FGF13: variants seen among roughly 807,000 people sequenced by gnomAD.
The protein encoded by FGF13 is fibroblast growth factor 13, also known as fibroblast growth factor homologous factor 2.
A neutral mutation model predicts 19.5 loss-of-function variants in FGF13; 2 were observed. The observed-to-expected ratio is 0.10, with a 90% CI of 0.04 to 0.32. The LOEUF (loss-of-function observed/expected upper bound fraction) is 0.32, where lower values mean the gene tolerates loss of function less well. Ranked by LOEUF, FGF13 falls within the 10% of genes least tolerant of loss-of-function variation. FGF13 has a pLI of 1.00. For missense variants in FGF13, 113 were observed against 192.7 expected, an observed-to-expected ratio of 0.59 and a Z score of 2.45; for synonymous variants, 72 against 76.9, an observed-to-expected ratio of 0.94 and a Z score of 0.33.
chrX:138,715,812 T>C (rs1381429564), upstream of FGF13: 2 of 112,555 alleles, frequency 1.8e-5, no homozygotes, highest in African/African-American at 3.2e-5. Flanking sequence ...AACTAGGTTT[T>C]AGCATTCTTT....
intron 1 of FGF13, among the ~76,000 whole-genome samples, chrX:139,175,281 T>C (rs1188698477): frequency 1.8e-5 from 2 of 112,330 alleles, no homozygotes; most frequent in African/African-American, 6.5e-5. Context: ...GCTTATCAGC[T>C]TAAGGAGATT....
intron 1 of FGF13, among the ~76,000 whole-genome samples, chrX:139,004,147 G>A (rs765024144): frequency 1.4e-4 from 16 of 112,989 alleles, no homozygotes; most frequent in Non-Finnish European, 3.0e-4. Flanking sequence ...GGCATGGCGG[G>A]CTGCAGGTCC....
intron 1 of FGF13, among the ~76,000 whole-genome samples, chrX:138,966,177 C>A (rs5931523): frequency 1.8e-5 from 2 of 111,679 alleles, no homozygotes; most frequent in Non-Finnish European, 3.8e-5. Context: ...AGCCTCCCCC[C>A]ACCCCCACAG....
intron 1 of FGF13, among the ~76,000 whole-genome samples, chrX:138,963,882 C>T (rs2091884744): frequency 8.9e-6 from 1 of 111,931 alleles, no homozygotes; most frequent in Admixed American, 9.6e-5. Flanking sequence ...AATCAGCTAG[C>T]TATGCCTCAG....
intron 3 of FGF13, among the ~76,000 whole-genome samples, chrX:138,833,178 T>G (rs753365486): frequency 8.9e-6 from 1 of 112,144 alleles, no homozygotes; most frequent in East Asian, 2.8e-4. Flanking sequence ...AATTTTAAAA[T>G]AGTTTCTAGT....
At chrX:138,935,558 C>T (rs2091727060) in intron 1 of FGF13, among the ~76,000 whole-genome samples, 2 of 112,115 alleles carry the variant, frequency 1.8e-5, no homozygotes. Context: ...TTTGAATGCT[C>T]ACATTTTGTA....
chrX:138,797,610 T>G (rs1051619532), intron 3 of FGF13, among the ~76,000 whole-genome samples: 1 of 111,338 alleles, frequency 9.0e-6, no homozygotes, highest in Admixed American at 9.5e-5. Context: ...AAGTCAATGG[T>G]AGCTTAATGG....
intron 3 of FGF13, among the ~76,000 whole-genome samples, chrX:138,774,005 C>G (rs981714871): frequency 9.0e-6 from 1 of 111,389 alleles, no homozygotes; most frequent in Non-Finnish European, 1.9e-5. Context: ...GCCATTCATT[C>G]CAATGACAAC....
At chrX:138,833,310 CTTTG>C (rs1206853999) in intron 3 of FGF13, among the ~76,000 whole-genome samples, 11 of 111,934 alleles carry the variant, frequency 9.8e-5, no homozygotes, top group East Asian at 5.6e-4. Flanking sequence ...ATGTTTCTCC[CTTTG>C]TTTGTGTCAT....
Position 139,156,320 on chromosome X carries a change from G to A in FGF13, c.-113+47096C>T, listed in dbSNP as rs1364840313. Among the ~76,000 whole-genome samples the A allele has an allele frequency of 4.5e-5, 5 of 111,561 alleles. No individual in the cohort carries two copies. The Admixed American group carries it at 4.8e-4, about 11-fold the overall frequency. On this transcript the variant is annotated intron_variant, in intron 1 of 2. Coordinates refer to the FGF13 transcript ENST00000421460. ...TTCTATGGGGACAGGCTTTAAGGTG[G>A]CCCCCATGATCTCTGCTTCCTGGTA...
downstream of FGF13, among the ~76,000 whole-genome samples, chrX:138,854,710 AT>A (rs922318868): frequency 8.1e-5 from 9 of 111,764 alleles, no homozygotes; most frequent in African/African-American, 2.6e-4. Flanking sequence ...AGGCTTAAAA[AT>A]TTTTTTTTAA....
At chrX:139,038,824 C>T (rs2092259042) in intron 1 of FGF13, among the ~76,000 whole-genome samples, 2 of 111,964 alleles carry the variant, frequency 1.8e-5, no homozygotes, top group African/African-American at 6.5e-5. Context: ...GGCAAGAGAT[C>T]ATGTCTATAT....
intron 1 of FGF13, among the ~76,000 whole-genome samples, chrX:139,004,115 C>A (rs1416069823): frequency 8.9e-6 from 1 of 112,734 alleles, no homozygotes; most frequent in African/African-American, 3.2e-5. Context: ...CACAGGAGCC[C>A]ATGGAGTGGG....
intron 3 of FGF13, among the ~76,000 whole-genome samples, chrX:138,811,157 A>G (rs1450803802): frequency 2.7e-4 from 30 of 111,879 alleles, no homozygotes; most frequent in Non-Finnish European, 1.1e-4. Context: ...TATGTTTATT[A>G]CAGCACTATT....
chrX:138,836,881 G>GT (rs199771150), intron 3 of FGF13, among the ~76,000 whole-genome samples: 118 of 96,776 alleles, frequency 1.2e-3, no homozygotes, highest in South Asian at 4.7e-3. Flanking sequence ...TTGGTGGTGG[G>GT]TTTTTTTTTT....
At chrX:139,195,794 T>G (rs940957308) in intron 1 of FGF13, among the ~76,000 whole-genome samples, 1 of 112,812 alleles carries the variant, frequency 8.9e-6, no homozygotes, top group African/African-American at 3.2e-5. Context: ...GGAAATATTA[T>G]CTAACTGAAG....
intron 1 of FGF13, among the ~76,000 whole-genome samples, chrX:139,062,123 C>CA (rs1313968783): frequency 9.0e-6 from 1 of 110,509 alleles, no homozygotes; most frequent in Admixed American, 9.7e-5. Context: ...TGGTCTTATC[C>CA]AAAAAAATCA....
chrX:138,972,913 T>A (rs1255622242), intron 1 of FGF13, among the ~76,000 whole-genome samples: 1 of 111,290 alleles, frequency 9.0e-6, no homozygotes, highest in Non-Finnish European at 1.9e-5. Context: ...CTTCATTATT[T>A]TTTTTTTCTA....
chrX:139,039,805 C>A (rs770917283), intron 1 of FGF13, among the ~76,000 whole-genome samples: 1 of 111,284 alleles, frequency 9.0e-6, no homozygotes, highest in Non-Finnish European at 1.9e-5. Context: ...TATGAATGAA[C>A]TAAGTCTCCT....
Sources: allele counts gnomAD v4.1 joint callset (sites outside exome capture counted in the v4.1 genomes callset), GRCh38; gene constraint gnomAD v4.1.1; transcripts MANE v1.5; gene names NCBI Gene and HGNC (gene_info 2026-07-23, HGNC 2026-07-21).